The following CAMTA1 variants were observed in gnomAD, a reference collection of about 807,000 sequenced individuals.
The protein encoded by CAMTA1 is calmodulin-binding transcription activator 1.
CAMTA1 carries 27 observed loss-of-function variants against 170.9 expected under a neutral mutation model. The ratio of observed to expected loss-of-function variants is 0.16; its 90% CI spans 0.12 to 0.22. The LOEUF (loss-of-function observed/expected upper bound fraction) is 0.22, where lower values mean the gene tolerates loss of function less well. Ranked by LOEUF, CAMTA1 falls within the 10% of genes least tolerant of loss-of-function variation. CAMTA1 has a pLI of 1.00. For missense variants in CAMTA1, 1,619 were observed against 2,217.2 expected, an observed-to-expected ratio of 0.73 and a Z score of 5.42; for synonymous variants, 833 against 891.5, an observed-to-expected ratio of 0.93 and a Z score of 1.17.
At chr1:6,927,379 C>A (rs917081968) in intron 3 of CAMTA1, among the ~76,000 whole-genome samples, 1 of 152,208 alleles carries the variant, frequency 6.6e-6, no homozygotes, top group Non-Finnish European at 1.5e-5. Context: ...AAATAAATAT[C>A]TAACAGTTCC....
intron 11 of CAMTA1, among the ~76,000 whole-genome samples, chr1:7,709,220 G>A (rs566305432): frequency 6.6e-6 from 1 of 152,184 alleles, no homozygotes; most frequent in African/African-American, 2.4e-5. Flanking sequence ...GTGCAGAGGG[G>A]CCCCACCTAA....
chr1:7,707,409 T>G (rs2096535091), intron 11 of CAMTA1, among the ~76,000 whole-genome samples: 1 of 152,170 alleles, frequency 6.6e-6, no homozygotes, highest in Non-Finnish European at 1.5e-5. Context: ...CAGGTTTCAC[T>G]CTGTCTCCCA....
intron 11 of CAMTA1, among the ~76,000 whole-genome samples, chr1:7,705,569 C>T (rs1004491126): frequency 2.6e-5 from 4 of 151,082 alleles, no homozygotes; most frequent in African/African-American, 4.8e-5. Flanking sequence ...GCCCGGCCGG[C>T]GGCGAGTGTG....
In CAMTA1 at chr1:7,033,782, C is replaced by T. The variant is rs759091926; in HGVS notation, c.235-57522C>T. On this transcript the variant is annotated intron_variant, in intron 3 of 22. Transcript: ENST00000303635. ...CTAATTTTTGTATTTTCAGTAGAGA[C>T]GGGGTTTTACCATGTTGGCCAGGCT... Among the ~76,000 whole-genome samples the T allele has an allele frequency of 9.2e-5, 14 of 151,784 alleles. No homozygotes were observed. The South Asian group carries it at 1.0e-3, about 11-fold the overall frequency.
intron 6 of CAMTA1, among the ~76,000 whole-genome samples, chr1:7,468,993 A>T (rs2093276298): frequency 6.6e-6 from 1 of 152,198 alleles, no homozygotes; most frequent in South Asian, 2.1e-4. Flanking sequence ...GTCGATGTGG[A>T]GGCCGGGCTC....
chr1:7,489,009 G>A (rs2093662739), intron 6 of CAMTA1, among the ~76,000 whole-genome samples: 1 of 152,148 alleles, frequency 6.6e-6, no homozygotes, highest in Non-Finnish European at 1.5e-5. Context: ...AGCGCCACAT[G>A]GGCTCTGACA....
At chr1:7,199,734 A>C (rs1382187586) in intron 4 of CAMTA1, among the ~76,000 whole-genome samples, 2 of 123,478 alleles carry the variant, frequency 1.6e-5, no homozygotes, top group Non-Finnish European at 3.3e-5. Context: ...GGTGGAAAGG[A>C]GGATGGTGGC....
chr1:7,235,052 G>T (rs988649113), intron 4 of CAMTA1, among the ~76,000 whole-genome samples: 25 of 152,150 alleles, frequency 1.6e-4, no homozygotes, highest in Non-Finnish European at 3.1e-4. Context: ...CTCCCAAAGT[G>T]CTGGGATTAC....
chr1:7,734,373 T>A (rs2096755621), intron 12 of CAMTA1, among the ~76,000 whole-genome samples: 1 of 152,230 alleles, frequency 6.6e-6, no homozygotes, highest in African/African-American at 2.4e-5. Flanking sequence ...GTATGTAATG[T>A]CATTTTAAAG....
At chr1:7,053,342 C>A (rs1449942395) in intron 3 of CAMTA1, among the ~76,000 whole-genome samples, 1 of 152,186 alleles carries the variant, frequency 6.6e-6, no homozygotes, top group Non-Finnish European at 1.5e-5. Context: ...AGCTCTATGC[C>A]CACCATCATT....
At chr1:7,452,959 G>A (rs1280167041) in intron 5 of CAMTA1, among the ~76,000 whole-genome samples, 1 of 152,176 alleles carries the variant, frequency 6.6e-6, no homozygotes, top group African/African-American at 2.4e-5. Flanking sequence ...AAGTTCAAAC[G>A]AGGTTCTTGA....
At chr1:7,604,247 A>G (rs1366348826) in intron 6 of CAMTA1, among the ~76,000 whole-genome samples, 1 of 152,130 alleles carries the variant, frequency 6.6e-6, no homozygotes, top group Non-Finnish European at 1.5e-5. Context: ...TAGATTGGGG[A>G]AGTTCTCCTG....
chr1:7,668,241 C>T (rs1299761581), intron 9 of CAMTA1, among the ~76,000 whole-genome samples: 1 of 152,194 alleles, frequency 6.6e-6, no homozygotes, highest in Admixed American at 6.5e-5. Context: ...CCCCACCCAG[C>T]TCTAAACCTC....
intron 6 of CAMTA1, among the ~76,000 whole-genome samples, chr1:7,623,219 A>C (rs2095611115): frequency 1.3e-5 from 2 of 152,130 alleles, no homozygotes; most frequent in Non-Finnish European, 2.9e-5. Flanking sequence ...GTAGACCCCA[A>C]ATGTAGGCCA....
intron 3 of CAMTA1, among the ~76,000 whole-genome samples, chr1:7,057,780 G>A (rs567637854): frequency 1.2e-4 from 18 of 152,334 alleles, no homozygotes; most frequent in African/African-American, 4.1e-4. Context: ...ATATAGTCAC[G>A]GTTTGCTGTT....
intron 3 of CAMTA1, among the ~76,000 whole-genome samples, chr1:7,021,431 G>A (rs942526465): frequency 3.3e-5 from 5 of 152,176 alleles, no homozygotes; most frequent in African/African-American, 9.7e-5. Flanking sequence ...CATGTGCATC[G>A]TCTTTTTCTG....
chr1:7,426,958 C>T lies in CAMTA1; in HGVS notation c.439-40872C>T, dbSNP rs773517787. ...GCAAGGCCTTTTTGCTCAGCGGTGGCGTTCAGAATCGTGTTTTCCTTACTC... is the reference window on the plus strand; with the variant it reads ...GCAAGGCCTTTTTGCTCAGCGGTGGTGTTCAGAATCGTGTTTTCCTTACTC... On this transcript the variant is annotated intron_variant, in intron 5 of 22. Transcript: ENST00000303635. This position sits in a 1 kb window ranked among gnomAD's most constrained non-coding sequence, Gnocchi z 4.8. Among the ~76,000 whole-genome samples, 2 of 152,058 alleles carry T rather than the reference C, an allele frequency of 1.3e-5. No individual in the cohort carries two copies. The highest frequency in any genetic ancestry group is 1.9e-4 in the East Asian group (1 of 5,192).
chr1:7,767,674 A>G lies in CAMTA1; in HGVS notation c.*1183A>G, dbSNP rs1235891149. On this transcript the variant is annotated 3_prime_UTR_variant, in exon 23 of 23. Coordinates refer to ENST00000303635, the MANE Select transcript of CAMTA1 (RefSeq NM_015215.4). ...GATGTACTGTTTGTATATATTGTAT[A>G]TATTAAAACAGAGATATGTGCATGA... 6.6e-6 allele frequency: 1 copy of G among 151,634 alleles called. No individual in the cohort carries two copies. The allele number at this position is 151,634 out of a possible 1,614,324, so 9.4% of individuals were successfully genotyped here.
rs146299267 is a variant in CAMTA1, at chr1:7,626,698, TCA to T, written c.511-13700_511-13699del. ...GGGGGTCGGGTGCAGCTCCCTGTCC[TCA>T]CTCTCTACCTGTCTGCTGCGTGACG... On this transcript the variant is annotated intron_variant, in intron 6 of 22. Transcript: ENST00000303635. Among the ~76,000 whole-genome samples, 559 of 152,310 alleles carry T rather than the reference TCA, an allele frequency of 3.7e-3. 2 individuals are homozygous for T. Among genetic ancestry groups the T allele is most frequent in the African/African-American group, 0.013 (547 of 41,558 alleles).
Sources: allele counts gnomAD v4.1 joint callset (sites outside exome capture counted in the v4.1 genomes callset), GRCh38; gene constraint gnomAD v4.1.1; non-coding constraint Gnocchi (gnomAD v3.1); transcripts MANE v1.5; gene names NCBI Gene and HGNC (gene_info 2026-07-23, HGNC 2026-07-21).